The following ATP11A variants were observed in gnomAD, a reference collection of about 807,000 sequenced individuals.
ATP11A encodes the protein phospholipid-transporting ATPase IH.
A neutral mutation model predicts 154.4 loss-of-function variants in ATP11A; 81 were observed. That is an observed-to-expected ratio of 0.52 (90% confidence interval 0.44 to 0.63). The LOEUF is 0.63. Ranked by LOEUF, ATP11A falls within the 30% of genes least tolerant of loss-of-function variation. The pLI is 0.00. For synonymous variants in ATP11A, 623 were observed against 585.9 expected, an observed-to-expected ratio of 1.06 and a Z score of -0.91; for missense variants, 1,316 against 1,474.3, an observed-to-expected ratio of 0.89 and a Z score of 1.76.
At chr13:112,789,233 T>C (rs558635886) in intron 2 of ATP11A, among the ~76,000 whole-genome samples, 1 of 151,450 alleles carries the variant, frequency 6.6e-6, no homozygotes, top group Admixed American at 6.6e-5. Context: ...TGTGGATACC[T>C]ACTTAATCCA....
chr13:112,738,492 T>C (rs1233467701), intron 1 of ATP11A, among the ~76,000 whole-genome samples: 3 of 152,180 alleles, frequency 2.0e-5, no homozygotes, highest in African/African-American at 7.2e-5. Flanking sequence ...TTACTGCAAA[T>C]AGGAAAAGCA....
chr13:112,836,958 C>T lies in ATP11A; in HGVS notation c.1705+707C>T, dbSNP rs77547731. ...TCCCTGCGAGGAGCTCTCCCAGGCACTTTGCATCCCCCAAGCACAGGTGGA... is the reference window on the plus strand; with the variant it reads ...TCCCTGCGAGGAGCTCTCCCAGGCATTTTGCATCCCCCAAGCACAGGTGGA... On this transcript the variant is annotated intron_variant, in intron 16 of 29. Transcript: ENST00000375645. Among the ~76,000 whole-genome samples, 807 of 152,356 alleles carry T rather than the reference C, an allele frequency of 5.3e-3. 9 individuals carry two copies. The highest frequency in any genetic ancestry group is 9.0e-3 in the Non-Finnish European group (610 of 68,028).
At chr13:112,792,062 C>A (rs997888072) in intron 2 of ATP11A, among the ~76,000 whole-genome samples, 6 of 152,298 alleles carry the variant, frequency 3.9e-5, no homozygotes, top group Non-Finnish European at 5.9e-5. Flanking sequence ...GCATTGAGAT[C>A]TTCGCTCTTC....
intron 25 of ATP11A, among the ~76,000 whole-genome samples, chr13:112,867,666 T>C (rs1388122512): frequency 2.0e-5 from 3 of 152,300 alleles, no homozygotes; most frequent in Non-Finnish European, 4.4e-5. Context: ...TACTAGCTCC[T>C]GTTTCCTGGT....
At chr13:112,841,570 C>T (rs962334862) in intron 16 of ATP11A, among the ~76,000 whole-genome samples, 7 of 148,356 alleles carry the variant, frequency 4.7e-5, no homozygotes, top group African/African-American at 1.3e-4. Flanking sequence ...GTCGGGAGCA[C>T]CTGCGCCCAG....
intron 1 of ATP11A, among the ~76,000 whole-genome samples, chr13:112,759,486 G>C (rs546506790): frequency 1.3e-5 from 2 of 152,194 alleles, no homozygotes; most frequent in African/African-American, 2.4e-5. Context: ...TAACCTGAGC[G>C]ATGTAACAAA....
At chr13:112,856,560 G>C (rs936564637) in intron 20 of ATP11A, 1 of 152,856 alleles carries the variant, frequency 6.5e-6, no homozygotes, top group Non-Finnish European at 1.5e-5. Flanking sequence ...ATGCCACGAG[G>C]ATTCAACTTG....
intron 25 of ATP11A, among the ~76,000 whole-genome samples, chr13:112,866,668 T>C (rs2080344639): frequency 6.7e-6 from 1 of 149,644 alleles, no homozygotes; most frequent in Admixed American, 6.8e-5. Flanking sequence ...AGAAATCGGC[T>C]TCGTTCCTTG....
chr13:112,856,140 A>T, intron 20 of ATP11A, 55 bp downstream of exon 20: 1 of 1,544,518 alleles, frequency 6.5e-7, no homozygotes, highest in South Asian at 1.2e-5. Flanking sequence ...AACACTGAAA[A>T]CCTTCCGTTA....
rs2078637793 is a variant in ATP11A at position 112,816,055 on chromosome 13, TG to T, written c.442-27del. On this transcript the variant is annotated intron_variant, in intron 5 of 29. Coordinates refer to ENST00000375645, the MANE Select transcript of ATP11A (RefSeq NM_015205.3). Reference sequence around the variant, plus strand: ...AAGCTTTCACGGAGGGGCTTTCCATTGACCATCCTTTCTGCTTTGTCCTGTA... The same window carrying T: ...AAGCTTTCACGGAGGGGCTTTCCATTACCATCCTTTCTGCTTTGTCCTGTA... The T allele has an allele frequency of 2.5e-6, 4 of 1,613,482 alleles. No individual in the cohort carries two copies. In the African/African-American group the frequency reaches 5.3e-5, roughly 21 times the overall value.
intron 1 of ATP11A, among the ~76,000 whole-genome samples, chr13:112,711,427 CA>C (rs1887735665): frequency 1.3e-5 from 2 of 151,924 alleles, no homozygotes; most frequent in Non-Finnish European, 2.9e-5. Context: ...GGCAACATAG[CA>C]AGACCCTGTC....
chr13:112,762,552 C>T (rs17121630), intron 1 of ATP11A, among the ~76,000 whole-genome samples: 57 of 152,280 alleles, frequency 3.7e-4, no homozygotes, highest in African/African-American at 1.3e-3. Context: ...ACTGCTCCAT[C>T]ATTTTCCTCA....
At chr13:112,722,274 G>C (rs574928552) in intron 1 of ATP11A, among the ~76,000 whole-genome samples, 4 of 151,002 alleles carry the variant, frequency 2.6e-5, no homozygotes, top group East Asian at 2.0e-4. Context: ...GGGCCGGCGG[G>C]GGGTAGGGGG....
intron 1 of ATP11A, among the ~76,000 whole-genome samples, chr13:112,700,659 C>T (rs1412874326): frequency 2.0e-5 from 3 of 152,362 alleles, no homozygotes; most frequent in Non-Finnish European, 2.9e-5. Flanking sequence ...CTGTTGTCCC[C>T]ACATCGTTAA....
intron 1 of ATP11A, among the ~76,000 whole-genome samples, chr13:112,704,421 C>G (rs1002312662): frequency 6.6e-6 from 1 of 152,248 alleles, no homozygotes. Flanking sequence ...CAGCAGAAAC[C>G]ATAACTGGTT....
chr13:112,729,934 A>G (rs1435777011), intron 1 of ATP11A, among the ~76,000 whole-genome samples: 2 of 152,274 alleles, frequency 1.3e-5, no homozygotes, highest in Admixed American at 6.5e-5. Flanking sequence ...TAGATGTAAC[A>G]GTAGTACTTA....
In ATP11A at chr13:112,785,197, T is replaced by G; in HGVS notation, c.102T>G (p.Pro34=). The part of the protein sequence containing the change: ...RTIYVGHREP[P]PGAEAYIPQR... Reference sequence around the variant, plus strand: ...TCTACGTGGGACACAGGGAGCCACCTCCGGGCGCAGAGGCCTACATCCCAC... The same window carrying G: ...TCTACGTGGGACACAGGGAGCCACCGCCGGGCGCAGAGGCCTACATCCCAC... The change falls in exon 2 of 30, where the codon CCT becomes CCG. Residue 34 remains proline (P), a synonymous_variant. Coordinates refer to ENST00000375645, the MANE Select transcript of ATP11A (RefSeq NM_015205.3). The surrounding 1 kb of genome is among the most constrained non-coding windows in gnomAD (Gnocchi z 4.8). The G allele has an allele frequency of 6.3e-7, 1 of 1,579,250 alleles. No homozygotes were observed. The highest frequency in any genetic ancestry group is 1.4e-5 in the African/African-American group (1 of 73,134).
intron 7 of ATP11A, 74 bp downstream of exon 7, chr13:112,819,481 G>A: frequency 2.3e-6 from 3 of 1,296,156 alleles, no homozygotes; most frequent in Non-Finnish European, 1.1e-6. Flanking sequence ...TTCACCCCAA[G>A]TAGTCCAGCC....
intron 2 of ATP11A, among the ~76,000 whole-genome samples, chr13:112,800,645 CTA>C (rs1285144435): frequency 1.3e-5 from 2 of 151,910 alleles, no homozygotes; most frequent in Admixed American, 6.5e-5. Context: ...CTAATTCGTT[CTA>C]TGAGGCCAGC....
Sources: allele counts gnomAD v4.1 joint callset (sites outside exome capture counted in the v4.1 genomes callset), GRCh38; gene constraint gnomAD v4.1.1; non-coding constraint Gnocchi (gnomAD v3.1); transcripts MANE v1.5; gene names NCBI Gene and HGNC (gene_info 2026-07-23, HGNC 2026-07-21).